The following FNTA variants were observed in gnomAD, a reference collection of about 807,000 sequenced individuals.
FNTA encodes farnesyltransferase, CAAX box, subunit alpha.
Under a neutral mutation model 55.2 loss-of-function variants are expected in FNTA, and 27 were observed. The observed-to-expected ratio is 0.49, with a 90% CI of 0.36 to 0.67. The LOEUF is 0.67. FNTA is among the 30% of genes least tolerant of loss of function. The probability of loss-of-function intolerance (pLI) is 0.00; values close to 1 mark genes in which losing one functional copy is unlikely to be tolerated. For synonymous variants in FNTA, 176 were observed against 170.7 expected, an observed-to-expected ratio of 1.03 and a Z score of -0.24; for missense variants, 422 against 464.7, an observed-to-expected ratio of 0.91 and a Z score of 0.85.
Position 43,059,121 on chromosome 8 carries a change from C to T in FNTA, c.230C>T (p.Pro77Leu), listed in dbSNP as rs750590783. 1.9e-6 allele frequency: 3 copies of T among 1,613,550 alleles called. No homozygotes were observed. The highest frequency in any genetic ancestry group is 2.5e-6 in the Non-Finnish European group (3 of 1,179,860). Residue 77 changes from proline (P) to leucine (L), a missense_variant, in exon 2 of 9, where the codon CCG (proline) becomes CTG (leucine). Pro to Leu is a moderately conservative substitution (Grantham distance 98, BLOSUM62 -3). Around this residue, in one of 2 missense-constraint regions of FNTA, gnomAD observed 160 missense variants for 121.6 expected, o/e 1.32. Coordinates refer to ENST00000302279, the MANE Select transcript of FNTA (RefSeq NM_002027.3). ...AGAGCAGAATGGGCTGATATAGATC[C>T]GGTGCCGCAGAATGATGGCCCCAAT... Reference protein sequence around the residue: ...RDRAEWADIDPVPQNDGPNPV... With the variant: ...RDRAEWADIDLVPQNDGPNPV...
rs1810808100 is a variant in FNTA at position 43,072,197 on chromosome 8, T to C, written c.523T>C (p.Leu175=). 2.6e-6 allele frequency: 4 copies of C among 1,559,728 alleles called. No individual in the cohort carries two copies. In the South Asian group the frequency reaches 3.7e-5, roughly 14 times the overall value. ...NYQVWHHRRV[L]VEWLRDPSQE... is the part of the protein sequence containing the mutation. ...GGGCTTTAGGCATCATAGGCGAGTA[T>C]TAGTGGAATGGCTAAGAGATCCATC... The change falls in exon 5 of 9, where the codon TTA becomes CTA. Residue 175 remains leucine (L), a synonymous_variant. Transcript: ENST00000302279.
At chr8:43,061,086 A>AT (rs1333474445) in intron 2 of FNTA, among the ~76,000 whole-genome samples, 5 of 152,224 alleles carry the variant, frequency 3.3e-5, no homozygotes, top group Non-Finnish European at 7.3e-5. Context: ...CTGTCTTGAT[A>AT]TTATATTAGG....
rs1234489153 is a variant in FNTA at position 43,072,299 on chromosome 8, G to A, written c.625G>A (p.Val209Ile). The A allele has an allele frequency of 3.2e-6, 5 of 1,571,794 alleles. No homozygotes were observed. The highest frequency in any genetic ancestry group is 1.7e-6 in the Non-Finnish European group (2 of 1,160,232). Reference sequence around the variant, plus strand: ...TCATGCCTGGCAGCATCGACAATGGGTTATTCAGGTATTGCCTTTCTTGTA... The same window carrying A: ...TCATGCCTGGCAGCATCGACAATGGATTATTCAGGTATTGCCTTTCTTGTA... ...NYHAWQHRQW[V>I]IQEFKLWDNE... is the part of the protein sequence containing the mutation. Residue 209 changes from valine to isoleucine, a missense_variant, in exon 5 of 9, where the codon GTT (valine) becomes ATT (isoleucine). By Grantham distance (29) the Val-to-Ile change is conservative. Transcript: ENST00000302279.
At chr8:43,073,115 T>C (rs1264494288) in intron 5 of FNTA, among the ~76,000 whole-genome samples, 1 of 152,210 alleles carries the variant, frequency 6.6e-6, no homozygotes, top group African/African-American at 2.4e-5. Context: ...ATTGCTACTT[T>C]CTGCACTATT....
At chr8:43,083,474 C>T (rs914235473) in intron 7 of FNTA, among the ~76,000 whole-genome samples, 23 of 152,128 alleles carry the variant, frequency 1.5e-4, no homozygotes, top group African/African-American at 5.6e-4. Flanking sequence ...CACACACACC[C>T]CCAGGCTCTA....
chr8:43,081,677 C>T (rs1811029981), intron 6 of FNTA: 1 of 152,296 alleles, frequency 6.6e-6, no homozygotes, highest in South Asian at 2.1e-4. Flanking sequence ...AATCCTCCCA[C>T]CTCAGCCTGC....
chr8:43,062,330 GGAGTACAATGGCGT>G (rs1810553308), intron 2 of FNTA, among the ~76,000 whole-genome samples: 1 of 151,898 alleles, frequency 6.6e-6, no homozygotes, highest in Non-Finnish European at 1.5e-5. Flanking sequence ...TGCACAGGCT[GGAGTACAATGGCGT>G]GATCTCGGCT....
chr8:43,063,605 C>T (rs548543107), intron 2 of FNTA, among the ~76,000 whole-genome samples: 3 of 151,972 alleles, frequency 2.0e-5, no homozygotes, highest in Non-Finnish European at 4.4e-5. Context: ...CTTGTAGATG[C>T]ATAGACTATA....
chr8:43,060,675 CAAAAA>C (rs202205706), intron 2 of FNTA, among the ~76,000 whole-genome samples: 587 of 141,038 alleles, frequency 4.2e-3, no homozygotes, highest in African/African-American at 5.7e-3. Flanking sequence ...AACTCTGTCT[CAAAAA>C]AAAAAAAAAA....
chr8:43,084,682 A>G, intron 7 of FNTA, 28 bp from the exon 8 acceptor site: 17 of 1,553,940 alleles, frequency 1.1e-5, no homozygotes, highest in Non-Finnish European at 1.4e-5. Context: ...CACAAAATCA[A>G]GTCTTTGTTT....
At chr8:43,081,188 G>C (rs949998170) in intron 6 of FNTA, 35 of 152,034 alleles carry the variant, frequency 2.3e-4, no homozygotes, top group Admixed American at 2.2e-3. Context: ...AAAGTAAAAA[G>C]TCAAAGTCTT....
chr8:43,071,048 A>C (rs1328019548), intron 4 of FNTA, among the ~76,000 whole-genome samples: 1 of 152,188 alleles, frequency 6.6e-6, no homozygotes, highest in Non-Finnish European at 1.5e-5. Context: ...TGTAAGACGA[A>C]TTTTTTAATT....
intron 4 of FNTA, 67 bp from the exon 5 acceptor site, chr8:43,072,112 CAT>C (rs1318831033): frequency 1.3e-5 from 16 of 1,227,908 alleles, no homozygotes; most frequent in Non-Finnish European, 1.7e-5. Context: ...ACCTTTACAA[CAT>C]GTGCAACTGA....
intron 2 of FNTA, chr8:43,063,374 A>G (rs2130546014): frequency 2.2e-6 from 1 of 453,260 alleles, no homozygotes; most frequent in South Asian, 1.6e-5. Flanking sequence ...GCTCCCAATA[A>G]ATATCCTTGA....
intron 4 of FNTA, among the ~76,000 whole-genome samples, chr8:43,071,782 C>T (rs1213934450): frequency 6.6e-6 from 1 of 151,660 alleles, no homozygotes; most frequent in African/African-American, 2.4e-5. Context: ...AAATTCAGTT[C>T]TGCCCACTCA....
intron 3 of FNTA, among the ~76,000 whole-genome samples, chr8:43,066,494 C>T (rs1043465406): frequency 4.1e-5 from 6 of 145,908 alleles, no homozygotes; most frequent in South Asian, 2.1e-4. Flanking sequence ...CTCCTGACCT[C>T]GTGATCCGCC....
chr8:43,058,074 TAC>T (rs1447135932), intron 1 of FNTA, among the ~76,000 whole-genome samples: 1 of 152,210 alleles, frequency 6.6e-6, no homozygotes, highest in Non-Finnish European at 1.5e-5. Flanking sequence ...GTTGTCACTA[TAC>T]AGTTATTTTA....
intron 5 of FNTA, among the ~76,000 whole-genome samples, chr8:43,074,402 G>A (rs533053526): frequency 1.3e-5 from 2 of 152,182 alleles, no homozygotes; most frequent in Non-Finnish European, 2.9e-5. Context: ...GCGCATGCTT[G>A]TGTTCGCAGC....
chr8:43,076,136 C>T (rs377510148), intron 5 of FNTA, among the ~76,000 whole-genome samples: 80 of 152,182 alleles, frequency 5.3e-4, no homozygotes, highest in African/African-American at 1.7e-3. Flanking sequence ...CTCCACCTCA[C>T]GGGTTCAAGC....
Sources: allele counts gnomAD v4.1 joint callset (sites outside exome capture counted in the v4.1 genomes callset), GRCh38; gene constraint gnomAD v4.1.1; regional missense constraint gnomAD v4.1.1; transcripts MANE v1.5; gene names NCBI Gene and HGNC (gene_info 2026-07-23, HGNC 2026-07-21).